The following CPE variants were observed in gnomAD, a reference collection of about 807,000 sequenced individuals.
CPE encodes carbocypeptidase E.
CPE carries 17 observed loss-of-function variants against 53.5 expected under a neutral mutation model. That is an observed-to-expected ratio of 0.32 (90% CI 0.22 to 0.48). The LOEUF (loss-of-function observed/expected upper bound fraction) is 0.48. Ranked by LOEUF, CPE falls within the 20% of genes least tolerant of loss-of-function variation. The pLI is 0.99. For synonymous variants in CPE, 226 were observed against 228.8 expected (o/e 0.99, Z 0.11); for missense variants, 524 against 614.7 (o/e 0.85, Z 1.56).
intron 1 of CPE, among the ~76,000 whole-genome samples, chr4:165,448,283 G>T (rs1282031358): frequency 6.6e-6 from 1 of 152,104 alleles, no homozygotes; most frequent in East Asian, 1.9e-4. Flanking sequence ...TATAATAATG[G>T]TTACCACTTA....
intron 1 of CPE, among the ~76,000 whole-genome samples, chr4:165,457,897 G>A (rs1378095772): frequency 1.3e-5 from 2 of 151,818 alleles, no homozygotes; most frequent in African/African-American, 4.8e-5. Flanking sequence ...CTACCCCCTC[G>A]TGTTGTTTAT....
intron 1 of CPE, among the ~76,000 whole-genome samples, chr4:165,462,900 C>A (rs73860785): frequency 0.011 from 1,684 of 152,256 alleles, 25 homozygotes; most frequent in African/African-American, 0.037. Context: ...TCAGGAATCT[C>A]ATGCAAAGAA....
chr4:165,458,448 A>G (rs1475313479), intron 1 of CPE, among the ~76,000 whole-genome samples: 1 of 152,194 alleles, frequency 6.6e-6, no homozygotes, highest in Non-Finnish European at 1.5e-5. Context: ...GAATTAGTGC[A>G]CCTATATTTT....
At chr4:165,450,043 A>T (rs1352546832) in intron 1 of CPE, among the ~76,000 whole-genome samples, 1 of 152,178 alleles carries the variant, frequency 6.6e-6, no homozygotes, top group African/African-American at 2.4e-5. Context: ...GATAAAGTTT[A>T]CTTGGGACAC....
intron 1 of CPE, among the ~76,000 whole-genome samples, chr4:165,435,538 A>T (rs1268385406): frequency 6.6e-6 from 1 of 152,086 alleles, no homozygotes; most frequent in Non-Finnish European, 1.5e-5. Context: ...GTAAAATAGA[A>T]TTTTTTCTGT....
intron 2 of CPE, among the ~76,000 whole-genome samples, chr4:165,466,554 G>A (rs1359797285): frequency 6.6e-6 from 1 of 151,692 alleles, no homozygotes; most frequent in African/African-American, 2.4e-5. Flanking sequence ...GTCTCACTCT[G>A]TCACCAGGAT....
At position 165,445,729 on chromosome 4, in the gene CPE, T is replaced by C. The variant is rs1412609336; in HGVS notation, c.308-18661T>C. On this transcript the variant is annotated intron_variant, in intron 1 of 8. Coordinates refer to ENST00000402744, the MANE Select transcript of CPE (RefSeq NM_001873.4). ...AAAATTAATATTTGACTTAATAAAA[T>C]TCCAACCAGAATTTTATTTTTTTAA... 2.6e-5 allele frequency among the ~76,000 whole-genome samples: 4 copies of C among 152,330 alleles called. No homozygotes were observed. The East Asian group carries it at 7.7e-4, about 29-fold the overall frequency.
At chr4:165,456,344 G>A (rs1231173870) in intron 1 of CPE, among the ~76,000 whole-genome samples, 1 of 152,022 alleles carries the variant, frequency 6.6e-6, no homozygotes, top group Non-Finnish European at 1.5e-5. Flanking sequence ...CCCGTTTACC[G>A]CCACTCCCCC....
chr4:165,478,541 G>GT (rs1271908521), intron 3 of CPE, among the ~76,000 whole-genome samples: 2 of 152,092 alleles, frequency 1.3e-5, no homozygotes, highest in African/African-American at 2.4e-5. Flanking sequence ...TCTTTTAAAA[G>GT]TTTTTTATTG....
chr4:165,465,521 C>T (rs576869363), intron 2 of CPE, among the ~76,000 whole-genome samples: 1 of 152,100 alleles, frequency 6.6e-6, no homozygotes, highest in Non-Finnish European at 1.5e-5. Context: ...TTATCCCTCA[C>T]AGTCTAAGGT....
chr4:165,470,993 T>C (rs1302066808), intron 3 of CPE, among the ~76,000 whole-genome samples: 1 of 152,162 alleles, frequency 6.6e-6, no homozygotes, highest in African/African-American at 2.4e-5. Flanking sequence ...TCTTGAATAC[T>C]GACATGATGG....
intron 3 of CPE, among the ~76,000 whole-genome samples, chr4:165,469,551 C>G (rs759374963): frequency 1.2e-4 from 19 of 152,168 alleles, no homozygotes; most frequent in Non-Finnish European, 2.5e-4. Context: ...CTAGAATTCT[C>G]TTGTCTTTCC....
In CPE at chr4:165,498,209, A is replaced by G. The variant is rs1202666419; in HGVS notation, c.*599A>G. 2 of 152,182 alleles carry G rather than the reference A, an allele frequency of 1.3e-5. No homozygotes were observed. The highest frequency in any genetic ancestry group is 4.8e-5 in the African/African-American group (2 of 41,436). The allele number at this position is 152,182 out of a possible 1,614,324, so 9.4% of individuals were successfully genotyped here. Reference sequence around the variant, plus strand: ...TCTTGCTTGTACATATAGGAGCAATACTATTATATTATGTAGTCCGTTAAC... The same window carrying G: ...TCTTGCTTGTACATATAGGAGCAATGCTATTATATTATGTAGTCCGTTAAC... On this transcript the variant is annotated 3_prime_UTR_variant, in exon 9 of 9. Transcript: ENST00000402744.
intron 1 of CPE, among the ~76,000 whole-genome samples, chr4:165,382,128 G>A (rs899097826): frequency 8.3e-5 from 12 of 144,922 alleles, no homozygotes; most frequent in Middle Eastern, 7.0e-3. Context: ...AGGGAGACTG[G>A]ATTATTGAAG....
At chr4:165,492,544 ACCCAGCT>A (rs1187826122) in intron 6 of CPE, among the ~76,000 whole-genome samples, 1 of 152,018 alleles carries the variant, frequency 6.6e-6, no homozygotes, top group African/African-American at 2.4e-5. Context: ...TGTTGCAAAA[ACCCAGCT>A]CCCTGAGTGA....
chr4:165,449,043 C>T (rs957672133), intron 1 of CPE, among the ~76,000 whole-genome samples: 3 of 152,152 alleles, frequency 2.0e-5, no homozygotes, highest in African/African-American at 4.8e-5. Context: ...TGCACACAGG[C>T]ACATGCACCT....
chr4:165,449,129 A>C (rs1454235567), intron 1 of CPE, among the ~76,000 whole-genome samples: 1 of 152,218 alleles, frequency 6.6e-6, no homozygotes, highest in African/African-American at 2.4e-5. Context: ...TAAGCCCAAA[A>C]GTACATGAAG....
chr4:165,392,102 G>A (rs773317274), intron 1 of CPE, among the ~76,000 whole-genome samples: 2 of 151,146 alleles, frequency 1.3e-5, no homozygotes, highest in African/African-American at 4.9e-5. Flanking sequence ...ATGCAGTTTT[G>A]GGGGTGCTGT....
intron 1 of CPE, among the ~76,000 whole-genome samples, chr4:165,445,158 G>A (rs1337364440): frequency 6.6e-6 from 1 of 152,090 alleles, no homozygotes; most frequent in African/African-American, 2.4e-5. Flanking sequence ...GTTTTGCCCT[G>A]TTGGCTGGGC....
Sources: allele counts gnomAD v4.1 joint callset (sites outside exome capture counted in the v4.1 genomes callset), GRCh38; gene constraint gnomAD v4.1.1; transcripts MANE v1.5; gene names NCBI Gene and HGNC (gene_info 2026-07-23, HGNC 2026-07-21).